HS6ST2: variants seen among roughly 807,000 people sequenced by gnomAD.
HS6ST2 encodes the protein heparan sulfate 6-O-sulfotransferase 2, also known as heparan-sulfate 6-O-sulfotransferase 2.
In HS6ST2, 17 loss-of-function variants were observed where a neutral mutation model predicts 33.0. The observed-to-expected ratio is 0.52, with a 90% CI of 0.35 to 0.77. The LOEUF is 0.77. Ranked by LOEUF, HS6ST2 falls within the 30% of genes least tolerant of loss-of-function variation. The pLI is 0.01. For missense variants in HS6ST2, 519 were observed against 551.7 expected (o/e 0.94, Z 0.59); for synonymous variants, 248 against 237.1 (o/e 1.05, Z -0.42).
chrX:132,660,711 T>G (rs1451314727), intron 4 of HS6ST2, among the ~76,000 whole-genome samples: 1 of 111,813 alleles, frequency 8.9e-6, no homozygotes, highest in East Asian at 2.8e-4. Context: ...ATTGTTCAAC[T>G]ATCTCTCCAT....
At position 132,801,251 on chromosome X, in the gene HS6ST2, G is replaced by A. The variant is rs951582677; in HGVS notation, c.948-92757C>T. 4.9e-4 allele frequency among the ~76,000 whole-genome samples: 54 copies of A among 109,539 alleles called. 1 individual carries two copies. Among genetic ancestry groups the A allele is most frequent in the African/African-American group, 1.0e-4 (3 of 30,025 alleles). ...GCAGAGGTTGCAGTGAGTCGAGATC[G>A]CGTCACTGCACTCCAGCCTGGGTGA... On this transcript the variant is annotated intron_variant, in intron 2 of 4. Transcript: ENST00000370833.
intron 3 of HS6ST2, among the ~76,000 whole-genome samples, chrX:132,687,635 C>T (rs1409064539): frequency 5.4e-5 from 6 of 110,779 alleles, no homozygotes; most frequent in Non-Finnish European, 7.5e-5. Flanking sequence ...ATCAGCTAAA[C>T]GATAGTTTCT....
chrX:132,814,459 C>G (rs1340723019), intron 2 of HS6ST2, among the ~76,000 whole-genome samples: 1 of 112,181 alleles, frequency 8.9e-6, no homozygotes, highest in African/African-American at 3.2e-5. Flanking sequence ...AAAATAGTTA[C>G]CCATACATAT....
At chrX:132,786,246 T>C (rs1196685591) in intron 2 of HS6ST2, among the ~76,000 whole-genome samples, 1 of 111,936 alleles carries the variant, frequency 8.9e-6, no homozygotes, top group Non-Finnish European at 1.9e-5. Flanking sequence ...TGGATGACTA[T>C]GTTCAATTTA....
At chrX:132,899,294 G>T (rs2066406636) in intron 2 of HS6ST2, among the ~76,000 whole-genome samples, 1 of 111,589 alleles carries the variant, frequency 9.0e-6, no homozygotes, top group South Asian at 3.7e-4. Flanking sequence ...CTTAAATGGA[G>T]AAAAATCAAT....
chrX:132,714,220 C>A (rs2064254837), intron 2 of HS6ST2, among the ~76,000 whole-genome samples: 1 of 111,557 alleles, frequency 9.0e-6, no homozygotes, highest in African/African-American at 3.3e-5. Flanking sequence ...GCTGTGAAAC[C>A]CTAGGCAACC....
rs1391830500 is a variant in HS6ST2, at chrX:132,908,090, C to G, written c.947+48718G>C. Among the ~76,000 whole-genome samples, 3 of 111,697 alleles carry G rather than the reference C, an allele frequency of 2.7e-5. No individual in the cohort carries two copies. The Admixed American group carries it at 2.9e-4, about 11-fold the overall frequency. On this transcript the variant is annotated intron_variant, in intron 2 of 4. Transcript: ENST00000370833. ...AACTTAAGACAAGTAATCCAATTTT[C>G]AAATAAGCAAAGAATCTGAATAGAT... is the stretch of plus-strand genomic sequence containing the variant.
At chrX:132,893,516 ATTGACTGTCTCTC>A (rs1325552208) in intron 2 of HS6ST2, among the ~76,000 whole-genome samples, 2 of 111,945 alleles carry the variant, frequency 1.8e-5, no homozygotes, top group African/African-American at 6.5e-5. Flanking sequence ...CTAAGGCTCT[ATTGACTGTCTCTC>A]AAATGTATGC....
intron 2 of HS6ST2, among the ~76,000 whole-genome samples, chrX:132,771,288 T>C (rs1413393832): frequency 8.9e-6 from 1 of 112,212 alleles, no homozygotes; most frequent in Non-Finnish European, 1.9e-5. Context: ...ATCTTTATTT[T>C]CTTTTTAGTA....
Position 132,643,487 on chromosome X carries a change from A to G in HS6ST2, c.1068-14394T>C, listed in dbSNP as rs1016478327. On this transcript the variant is annotated intron_variant, in intron 4 of 4. Transcript: ENST00000370833. ...CTCACAAATGAAAGATGAAAGTGAC[A>G]AACTCATATTTTTCATAGAGTAGAT... 3.6e-5 allele frequency among the ~76,000 whole-genome samples: 4 copies of G among 112,191 alleles called. No homozygotes were observed. In the East Asian group the frequency reaches 1.1e-3, roughly 32 times the overall value.
Position 132,629,027 on chromosome X carries a change from G to A in HS6ST2, c.1134C>T (p.Val378=). Residue 378 remains valine (V), a synonymous_variant, in exon 5 of 5, where the codon GTC becomes GTT. Coordinates refer to ENST00000370833, the MANE Select transcript of HS6ST2 (RefSeq NM_001394073.1). The part of the protein sequence containing the change: ...VSRYLSEWRH[V]QRGATWKASL... The stretch of plus-strand genomic sequence containing the variant: ...ATGCTTTCCATGTTGCCCCTCTCTG[G>A]ACATGCCTCCACTCACTCAAGTACC... The A allele has an allele frequency of 8.3e-7, 1 of 1,205,658 alleles. No individual in the cohort carries two copies. The highest frequency in any genetic ancestry group is 1.1e-6 in the Non-Finnish European group (1 of 892,436).
At chrX:132,675,772 G>C (rs1458588327) in intron 3 of HS6ST2, among the ~76,000 whole-genome samples, 1 of 111,460 alleles carries the variant, frequency 9.0e-6, no homozygotes, top group Non-Finnish European at 1.9e-5. Context: ...CTTTACCACG[G>C]CCTAACCGAG....
intron 2 of HS6ST2, among the ~76,000 whole-genome samples, chrX:132,828,689 TATATACAC>T (rs2065551893): frequency 1.8e-5 from 1 of 54,501 alleles, no homozygotes; most frequent in African/African-American, 8.6e-5. Context: ...TATATATATA[TATATACAC>T]ACACACACAC....
intron 2 of HS6ST2, among the ~76,000 whole-genome samples, chrX:132,786,830 C>G (rs1360499569): frequency 9.2e-6 from 1 of 108,721 alleles, no homozygotes; most frequent in Non-Finnish European, 1.9e-5. Flanking sequence ...CCATGTTGGT[C>G]AGGCTGGTCT....
chrX:132,690,293 G>A (rs1298757737), intron 3 of HS6ST2, among the ~76,000 whole-genome samples: 2 of 112,021 alleles, frequency 1.8e-5, no homozygotes, highest in Non-Finnish European at 3.8e-5. Context: ...TTTGGCCTGG[G>A]GACATAATTT....
At chrX:132,953,193 A>T (rs1471463005) in intron 2 of HS6ST2, among the ~76,000 whole-genome samples, 1 of 112,203 alleles carries the variant, frequency 8.9e-6, no homozygotes, top group Non-Finnish European at 1.9e-5. Flanking sequence ...GCTTGTGAGC[A>T]ACAATGTTTG....
At chrX:132,920,136 A>T (rs1359395658) in intron 2 of HS6ST2, among the ~76,000 whole-genome samples, 6 of 111,488 alleles carry the variant, frequency 5.4e-5, no homozygotes, top group Admixed American at 9.6e-5. Context: ...AGTAAAAATT[A>T]AAAATTTCTG....
At chrX:132,637,900 A>AT (rs1320085879) in intron 4 of HS6ST2, among the ~76,000 whole-genome samples, 1 of 45,660 alleles carries the variant, frequency 2.2e-5, no homozygotes, top group Admixed American at 3.7e-4. Flanking sequence ...TTTTATATAT[A>AT]ATATTATATA....
intron 2 of HS6ST2, among the ~76,000 whole-genome samples, chrX:132,732,345 A>G (rs1382763869): frequency 8.9e-6 from 1 of 111,786 alleles, no homozygotes; most frequent in Non-Finnish European, 1.9e-5. Context: ...AGAAAAATCA[A>G]GGTTTTGGTT....
Sources: gnomAD v4.1 joint callset for allele counts (sites outside exome capture counted in the v4.1 genomes callset) on GRCh38, gnomAD v4.1.1 for gene constraint, MANE v1.5 for transcripts, NCBI Gene and HGNC (gene_info 2026-07-23, HGNC 2026-07-21) for gene names.